NRK: variants seen among roughly 807,000 people sequenced by gnomAD.
The protein encoded by NRK is nik-related protein kinase.
Under a neutral mutation model 125.2 loss-of-function variants are expected in NRK, and 67 were observed. The observed-to-expected ratio is 0.54, with a 90% CI of 0.44 to 0.66. The LOEUF (loss-of-function observed/expected upper bound fraction) is 0.66, where lower values mean the gene tolerates loss of function less well. Ranked by LOEUF, NRK falls within the 30% of genes least tolerant of loss-of-function variation. NRK has a pLI of 0.00. For synonymous variants in NRK, 458 were observed against 429.0 expected (o/e 1.07, Z -0.84); for missense variants, 1,224 against 1,192.9 (o/e 1.03, Z -0.38).
intron 15 of NRK, among the ~76,000 whole-genome samples, chrX:105,916,984 C>A (rs1248831491): frequency 9.0e-6 from 1 of 111,323 alleles, no homozygotes; most frequent in Non-Finnish European, 1.9e-5. Flanking sequence ...AAATCAATAA[C>A]CAAAGTCCTT....
intron 24 of NRK, among the ~76,000 whole-genome samples, chrX:105,945,275 G>A (rs1023398569): frequency 2.7e-5 from 3 of 111,706 alleles, no homozygotes; most frequent in Non-Finnish European, 3.8e-5. Flanking sequence ...CACTGATAGG[G>A]ACCCATCCTG....
chrX:105,887,210 A>G (rs191331960), intron 4 of NRK, among the ~76,000 whole-genome samples: 174 of 112,474 alleles, frequency 1.5e-3, no homozygotes, highest in African/African-American at 5.5e-3. Flanking sequence ...TGTATCTAGA[A>G]TATATGAAGA....
chrX:105,917,548 ATGGCACATGCTT>A lies in NRK; in HGVS notation c.2418-28_2418-17del. On this transcript the variant is annotated intron_variant, in intron 15 of 28. Transcript: ENST00000243300. ...ACATTCCCTTTATGAATGTTAGGAC[ATGGCACATGCTT>A]TTCTGTCTTTTCATTAGCGTTCCTC... 1 of 953,785 alleles carries A rather than the reference ATGGCACATGCTT, an allele frequency of 1.0e-6. No individual in the cohort carries two copies. The highest frequency in any genetic ancestry group is 1.4e-6 in the Non-Finnish European group (1 of 697,391). 78.6% of individuals were successfully genotyped at this position (953,785 alleles called of 1,213,427 possible).
chrX:105,881,629 A>G, intron 3 of NRK, 79 bp from the exon 4 acceptor site: 1 of 530,577 alleles, frequency 1.9e-6, no homozygotes, highest in South Asian at 3.2e-5. Flanking sequence ...TTGAGTGCTA[A>G]CGTAGCTTAA....
chrX:105,943,719 A>G (rs1465100441), intron 23 of NRK, among the ~76,000 whole-genome samples: 7 of 112,053 alleles, frequency 6.2e-5, no homozygotes, highest in Non-Finnish European at 1.3e-4. Context: ...GTTTTGGTGT[A>G]CAATTTAGAG....
chrX:105,855,222 T>C (rs1480856038), intron 2 of NRK, among the ~76,000 whole-genome samples: 2 of 111,746 alleles, frequency 1.8e-5, no homozygotes, highest in African/African-American at 6.5e-5. Context: ...AAAAGGATTT[T>C]TTATTCAATA....
chrX:105,951,381 A>G (rs1299074997), intron 27 of NRK, among the ~76,000 whole-genome samples: 1 of 111,451 alleles, frequency 9.0e-6, no homozygotes, highest in African/African-American at 3.3e-5. Flanking sequence ...CTAAAACAAA[A>G]AAAAGCTACT....
intron 18 of NRK, 126 bp downstream of exon 18, chrX:105,923,608 G>C: frequency 2.3e-6 from 1 of 430,298 alleles, no homozygotes; most frequent in Non-Finnish European, 4.0e-6. Flanking sequence ...TTAGTAAATA[G>C]TTTGATTGTC....
chrX:105,954,565 A>G (rs2040948593), intron 28 of NRK, among the ~76,000 whole-genome samples: 1 of 110,646 alleles, frequency 9.0e-6, no homozygotes, highest in Non-Finnish European at 1.9e-5. Context: ...TTTATCAAGC[A>G]AAATGTACAG....
At chrX:105,895,197 T>C (rs2040065234) in intron 6 of NRK, 3 of 506,223 alleles carry the variant, frequency 5.9e-6, no homozygotes, top group East Asian at 3.6e-5. Flanking sequence ...TGGTGCTCTT[T>C]TTTTTCGTGG....
intron 2 of NRK, among the ~76,000 whole-genome samples, chrX:105,871,811 T>G (rs1320623713): frequency 8.9e-6 from 1 of 111,821 alleles, no homozygotes; most frequent in African/African-American, 3.2e-5. Flanking sequence ...CATGTGAAGA[T>G]AGGACATTTC....
chrX:105,880,678 A>T (rs1346355475), intron 3 of NRK, among the ~76,000 whole-genome samples: 1 of 111,340 alleles, frequency 9.0e-6, no homozygotes, highest in African/African-American at 3.3e-5. Flanking sequence ...ATTCTCAATG[A>T]CAGGTAGAAG....
chrX:105,896,896 A>G (rs1387800026), intron 7 of NRK, among the ~76,000 whole-genome samples: 1 of 111,901 alleles, frequency 8.9e-6, no homozygotes, highest in Non-Finnish European at 1.9e-5. Flanking sequence ...AAGGGCATAC[A>G]TACTTCACAT....
intron 2 of NRK, among the ~76,000 whole-genome samples, chrX:105,835,707 C>T (rs1221169198): frequency 9.2e-6 from 1 of 109,021 alleles, no homozygotes. Context: ...TGCTGCCTTT[C>T]CCCTAGGGCT....
intron 5 of NRK, among the ~76,000 whole-genome samples, chrX:105,890,948 A>G (rs2040009330): frequency 1.8e-5 from 2 of 111,788 alleles, no homozygotes; most frequent in Non-Finnish European, 1.9e-5. Flanking sequence ...GGAGGACTCA[A>G]ATGAATACTG....
At chrX:105,845,918 G>A (rs2039395066) in intron 2 of NRK, among the ~76,000 whole-genome samples, 1 of 111,123 alleles carries the variant, frequency 9.0e-6, no homozygotes. Flanking sequence ...GAGGGGCTGG[G>A]TCAAGAAAAA....
intron 2 of NRK, among the ~76,000 whole-genome samples, chrX:105,854,661 G>A (rs950171951): frequency 1.8e-5 from 2 of 111,713 alleles, no homozygotes; most frequent in African/African-American, 6.5e-5. Flanking sequence ...TATGTCAGGT[G>A]ATAAATGTTC....
In NRK at chrX:105,906,469, C is replaced by T. The variant is rs1450758963; in HGVS notation, c.901C>T (p.Arg301Cys). The T allele has an allele frequency of 2.6e-6, 3 of 1,159,682 alleles. No homozygotes were observed. The highest frequency in any genetic ancestry group is 4.6e-5 in the Admixed American group (2 of 43,713). ...EKCTIKNFLF[R>C]PTSANMLQHP... is the part of the protein sequence containing the mutation. Reference sequence around the variant, plus strand: ...GTGTACGATAAAAAATTTCCTGTTTCGTCCTACTTCTGCAAACATGCTTCA... The same window carrying T: ...GTGTACGATAAAAAATTTCCTGTTTTGTCCTACTTCTGCAAACATGCTTCA... The change falls in exon 11 of 29, where the codon CGT becomes TGT. Residue 301 changes from arginine to cysteine, a missense_variant. By Grantham distance (180) the Arg-to-Cys change is radical. Transcript: ENST00000243300.
At chrX:105,835,795 A>C (rs995802495) in intron 2 of NRK, among the ~76,000 whole-genome samples, 39 of 109,940 alleles carry the variant, frequency 3.5e-4, no homozygotes, top group Non-Finnish European at 5.7e-5. Context: ...TCTCATCTCC[A>C]TCAGATCTGT....
Sources: allele counts gnomAD v4.1 joint callset (sites outside exome capture counted in the v4.1 genomes callset), GRCh38; gene constraint gnomAD v4.1.1; transcripts MANE v1.5; gene names NCBI Gene and HGNC (gene_info 2026-07-23, HGNC 2026-07-21).